NBAS: variants seen among roughly 807,000 people sequenced by gnomAD.
The protein encoded by NBAS is NBAS subunit of NRZ tethering complex.
In NBAS, 219 loss-of-function variants were observed where a neutral mutation model predicts 302.5. That is an observed-to-expected ratio of 0.72 (90% CI 0.65 to 0.81). The LOEUF (loss-of-function observed/expected upper bound fraction) is 0.81, where lower values mean the gene tolerates loss of function less well. Among genes scored for constraint, NBAS ranks in the 30% least tolerant of loss-of-function variants. The pLI, the probability that NBAS is intolerant of heterozygous loss-of-function variation, is 0.00. For missense variants in NBAS, 2,932 were observed against 2,841.6 expected, an observed-to-expected ratio of 1.03 and a Z score of -0.72; for synonymous variants, 1,118 against 1,021.6, an observed-to-expected ratio of 1.09 and a Z score of -1.80.
intron 35 of NBAS, among the ~76,000 whole-genome samples, chr2:15,340,775 T>G (rs1572686649): frequency 6.6e-6 from 1 of 151,654 alleles, no homozygotes. Context: ...GCCAGTGAGG[T>G]CTGAGAAAAA....
chr2:14,872,338 C>T, the NBAS span, among the ~76,000 whole-genome samples: 2 of 152,132 alleles, frequency 1.3e-5, no homozygotes, highest in African/African-American at 2.4e-5. Flanking sequence ...AAGTCTTGAA[C>T]AAAACTGCCA....
chr2:15,468,418 G>T lies in NBAS; in HGVS notation c.1841C>A (p.Ala614Asp). 2 of 1,614,060 alleles carry T rather than the reference G, an allele frequency of 1.2e-6. No individual in the cohort carries two copies. The highest frequency in any genetic ancestry group is 4.5e-5 in the East Asian group (2 of 44,876). The part of the protein sequence containing the change: ...QYGLKGTDLE[A>D]LLAIGKGADD... The stretch of plus-strand genomic sequence containing the variant: ...TGCTCCTTTCCCTATTGCTAAAAGA[G>T]CCTCCAGGTCTGTGCCTTTTAATCC... The change falls in exon 17 of 52, where the codon GCT (alanine) becomes GAT (aspartate). Residue 614 changes from alanine to aspartate, a missense_variant. By Grantham distance (126) the Ala-to-Asp change is moderately radical. Coordinates refer to ENST00000281513, the MANE Select transcript of NBAS (RefSeq NM_015909.4).
chr2:15,233,799 A>G (rs892059712), intron 46 of NBAS, among the ~76,000 whole-genome samples: 4 of 152,226 alleles, frequency 2.6e-5, no homozygotes. Context: ...ATTTGATTTC[A>G]GTTCAGCTGC....
chr2:15,397,472 G>A (rs1054433274), intron 26 of NBAS: 40 of 509,140 alleles, frequency 7.9e-5, no homozygotes, highest in Admixed American at 5.4e-4. Flanking sequence ...GGCAGCACCC[G>A]CAGGTCAAAA....
chr2:15,420,659 G>C (rs1677167531), intron 23 of NBAS, among the ~76,000 whole-genome samples: 1 of 152,138 alleles, frequency 6.6e-6, no homozygotes, highest in South Asian at 2.1e-4. Flanking sequence ...AGCAAGGTAA[G>C]GAAAGAAAGT....
At chr2:15,205,303 T>C (rs7567605) in intron 48 of NBAS, among the ~76,000 whole-genome samples, 42,620 of 150,436 alleles carry the variant, frequency 0.28, 7,234 homozygotes, top group East Asian at 0.68. Context: ...CAAGAGAAAA[T>C]CACCTTCACT....
In NBAS at chr2:15,308,120, T is replaced by G. The variant is rs145895822; in HGVS notation, c.4797+96A>C. 4 of 1,561,474 alleles carry G rather than the reference T, an allele frequency of 2.6e-6. No individual in the cohort carries two copies. In the South Asian group the frequency reaches 4.5e-5, roughly 18 times the overall value. ...ACTTGGAATACATTCTGGATACATA[T>G]GTAATCAGTTCCTCCAAAAATTAAA... On this transcript the variant is annotated intron_variant, in intron 40 of 51. Coordinates refer to ENST00000281513, the MANE Select transcript of NBAS (RefSeq NM_015909.4).
At chr2:14,782,513 G>A in the NBAS span, among the ~76,000 whole-genome samples, 2 of 152,198 alleles carry the variant, frequency 1.3e-5, no homozygotes, top group Non-Finnish European at 2.9e-5. Flanking sequence ...TGGTGGGAGT[G>A]CAAATTAGTT....
At chr2:15,444,473 C>T (rs1446096405) in intron 21 of NBAS, among the ~76,000 whole-genome samples, 2 of 152,010 alleles carry the variant, frequency 1.3e-5, no homozygotes, top group Non-Finnish European at 2.9e-5. Context: ...GAAACTGGAT[C>T]CCTTCCTTAC....
intron 9 of NBAS, among the ~76,000 whole-genome samples, chr2:15,532,348 G>A (rs1220763539): frequency 6.6e-6 from 1 of 151,778 alleles, no homozygotes; most frequent in Non-Finnish European, 1.5e-5. Context: ...AATTAGCCGG[G>A]CTTGGTGGCA....
intron 42 of NBAS, among the ~76,000 whole-genome samples, chr2:15,284,219 C>G (rs1669945562): frequency 6.6e-6 from 1 of 151,336 alleles, no homozygotes; most frequent in South Asian, 2.1e-4. Context: ...AGAATTATCT[C>G]TGACAAGAGT....
At chr2:15,009,986 C>A in the NBAS span, among the ~76,000 whole-genome samples, 1 of 152,020 alleles carries the variant, frequency 6.6e-6, no homozygotes, top group African/African-American at 2.4e-5. Context: ...AAACAAATCG[C>A]CTCATGGGAG....
At chr2:15,240,071 A>C (rs950137122) in intron 44 of NBAS, among the ~76,000 whole-genome samples, 2 of 152,082 alleles carry the variant, frequency 1.3e-5, no homozygotes, top group Admixed American at 1.3e-4. Context: ...TCAGCTACTC[A>C]AGTACATTTT....
chr2:15,167,926 A>T (rs1184816680), intron 51 of NBAS, among the ~76,000 whole-genome samples: 1 of 152,206 alleles, frequency 6.6e-6, no homozygotes, highest in Non-Finnish European at 1.5e-5. Context: ...CACTGATACG[A>T]GTAAGATAAC....
chr2:14,923,470 G>A, the NBAS span, among the ~76,000 whole-genome samples: 7 of 152,148 alleles, frequency 4.6e-5, no homozygotes, highest in African/African-American at 1.7e-4. Context: ...TACTTCCCTA[G>A]TGTTTGCTTT....
the NBAS span, among the ~76,000 whole-genome samples, chr2:14,959,546 A>G: frequency 6.6e-6 from 1 of 152,324 alleles, no homozygotes; most frequent in East Asian, 1.9e-4. Flanking sequence ...ATGCTCCTTA[A>G]GAACACACAT....
chr2:15,352,739 G>A (rs1261065552), intron 34 of NBAS, among the ~76,000 whole-genome samples: 1 of 152,074 alleles, frequency 6.6e-6, no homozygotes, highest in East Asian at 1.9e-4. Context: ...CAGGTCATAC[G>A]CCAGTGAAAC....
chr2:15,256,184 A>G (rs1668583391), intron 44 of NBAS, among the ~76,000 whole-genome samples: 1 of 152,062 alleles, frequency 6.6e-6, no homozygotes, highest in South Asian at 2.1e-4. Flanking sequence ...CCTATCCTTG[A>G]GCATGGGATG....
chr2:15,363,828 C>G (rs1674059784), intron 32 of NBAS, among the ~76,000 whole-genome samples: 1 of 152,132 alleles, frequency 6.6e-6, no homozygotes, highest in African/African-American at 2.4e-5. Flanking sequence ...AAAAATATAA[C>G]CAAAGGGCTG....
Sources: gnomAD v4.1 joint callset for allele counts (sites outside exome capture counted in the v4.1 genomes callset) on GRCh38, gnomAD v4.1.1 for gene constraint, MANE v1.5 for transcripts, NCBI Gene and HGNC (gene_info 2026-07-23, HGNC 2026-07-21) for gene names.